The following SNX24 variants were observed in gnomAD, a reference collection of about 807,000 sequenced individuals.
The protein encoded by SNX24 is sorting nexin-24.
In SNX24, 22 loss-of-function variants were observed where a neutral mutation model predicts 28.7. The observed-to-expected ratio is 0.77, with a 90% CI of 0.55 to 1.10. SNX24 has a LOEUF of 1.10. Ranked by LOEUF, SNX24 falls within the 50% of genes least tolerant of loss-of-function variation. SNX24 has a pLI of 0.00. For synonymous variants in SNX24, 69 were observed against 71.5 expected, an observed-to-expected ratio of 0.96 and a Z score of 0.18; for missense variants, 221 against 201.1, an observed-to-expected ratio of 1.10 and a Z score of -0.60.
chr5:123,021,107 C>CT (rs1029152354), intron 5 of SNX24, among the ~76,000 whole-genome samples: 1 of 150,388 alleles, frequency 6.6e-6, no homozygotes, highest in Non-Finnish European at 1.5e-5. Context: ...ACACAGTTCC[C>CT]CCCCCGTCCC....
chr5:123,027,857 G>A (rs1209982941), intron 5 of SNX24, among the ~76,000 whole-genome samples: 5 of 152,122 alleles, frequency 3.3e-5, no homozygotes, highest in Non-Finnish European at 7.4e-5. Context: ...GTATGTTCAA[G>A]AAAAGAACTA....
At chr5:123,023,179 A>G (rs1762786883) in intron 5 of SNX24, 1 of 152,256 alleles carries the variant, frequency 6.6e-6, no homozygotes, top group African/African-American at 2.4e-5. Flanking sequence ...ATAACTTTCT[A>G]AAAATGTTAC....
At chr5:122,854,516 A>C (rs10477638) in intron 1 of SNX24, among the ~76,000 whole-genome samples, 1 of 15,476 alleles carries the variant, frequency 6.5e-5, no homozygotes, top group African/African-American at 7.1e-4. Context: ...TCAAAAAAAC[A>C]AAAAAAAAAA....
chr5:122,924,860 G>A (rs1247188777), intron 1 of SNX24, among the ~76,000 whole-genome samples: 2 of 152,126 alleles, frequency 1.3e-5, no homozygotes, highest in East Asian at 1.9e-4. Flanking sequence ...TCTAAGTCCA[G>A]ACTGGTGCTC....
At chr5:122,969,352 C>T (rs971586911) in intron 3 of SNX24, among the ~76,000 whole-genome samples, 4 of 152,088 alleles carry the variant, frequency 2.6e-5, no homozygotes, top group African/African-American at 9.7e-5. Context: ...GAGTTAAGGT[C>T]TTAAGAAAGT....
chr5:122,947,639 G>A (rs1759746514), intron 3 of SNX24, among the ~76,000 whole-genome samples: 1 of 152,078 alleles, frequency 6.6e-6, no homozygotes, highest in South Asian at 2.1e-4. Flanking sequence ...TTGAGACTGA[G>A]GAGCTATGAT....
chr5:122,914,651 C>T (rs1049823831), intron 1 of SNX24, among the ~76,000 whole-genome samples: 11 of 150,462 alleles, frequency 7.3e-5, no homozygotes, highest in Admixed American at 2.0e-4. Flanking sequence ...AGGAATTTAT[C>T]CATTTCTTCT....
At chr5:122,925,927 T>C (rs916146534) in intron 1 of SNX24, among the ~76,000 whole-genome samples, 5 of 152,166 alleles carry the variant, frequency 3.3e-5, no homozygotes, top group African/African-American at 9.7e-5. Context: ...ATGGAGCTTA[T>C]AATTTGTTAG....
intron 1 of SNX24, among the ~76,000 whole-genome samples, chr5:122,877,604 C>T (rs1231061616): frequency 1.3e-5 from 2 of 152,140 alleles, no homozygotes; most frequent in Non-Finnish European, 2.9e-5. Context: ...CTACTCAGCA[C>T]CTCTGAACCA....
At chr5:122,939,811 T>C (rs1443805047) in intron 2 of SNX24, among the ~76,000 whole-genome samples, 2 of 152,156 alleles carry the variant, frequency 1.3e-5, no homozygotes, top group Admixed American at 6.5e-5. Flanking sequence ...AGAATTTCTA[T>C]AGTATGATTA....
At chr5:122,886,632 C>G (rs550161326) in intron 1 of SNX24, among the ~76,000 whole-genome samples, 48 of 151,850 alleles carry the variant, frequency 3.2e-4, no homozygotes, top group Middle Eastern at 3.4e-3. Flanking sequence ...GGCCAAGAGA[C>G]CAGCCTGGCC....
intron 1 of SNX24, among the ~76,000 whole-genome samples, chr5:122,910,354 C>T (rs1053755426): frequency 6.6e-6 from 1 of 151,970 alleles, no homozygotes; most frequent in Admixed American, 6.6e-5. Context: ...AATTCTTTTC[C>T]TCTTCATTTC....
intron 1 of SNX24, 24 bp downstream of exon 1, chr5:122,845,717 A>G (rs1399548009): frequency 1.5e-6 from 2 of 1,340,822 alleles, no homozygotes; most frequent in Middle Eastern, 4.1e-4. Context: ...GCGGGCGGAC[A>G]GGGCCCCGCG....
intron 5 of SNX24, among the ~76,000 whole-genome samples, chr5:123,014,392 G>A (rs2150185376): frequency 7.9e-6 from 1 of 126,768 alleles, no homozygotes. Flanking sequence ...ATGTTGCCCA[G>A]GCTAGTCTTG....
intron 1 of SNX24, among the ~76,000 whole-genome samples, chr5:122,848,970 G>T (rs1217497404): frequency 2.0e-5 from 3 of 152,124 alleles, no homozygotes; most frequent in Non-Finnish European, 2.9e-5. Context: ...ATATTGATAT[G>T]GAGAGGTCTG....
chr5:122,899,383 A>G (rs1481351263), intron 1 of SNX24, among the ~76,000 whole-genome samples: 1 of 152,192 alleles, frequency 6.6e-6, no homozygotes, highest in Non-Finnish European at 1.5e-5. Flanking sequence ...CATACAGTCT[A>G]TCAGTAATGC....
intron 3 of SNX24, among the ~76,000 whole-genome samples, chr5:122,958,765 G>T (rs1472481023): frequency 6.6e-6 from 1 of 150,622 alleles, no homozygotes. Flanking sequence ...TTGCTATGTT[G>T]CCCAGGCTGG....
chr5:122,942,309 T>G (rs1385619125), intron 2 of SNX24, among the ~76,000 whole-genome samples: 1 of 152,158 alleles, frequency 6.6e-6, no homozygotes, highest in African/African-American at 2.4e-5. Flanking sequence ...TGTGTTTAAT[T>G]CCATGAAGTA....
intron 2 of SNX24, among the ~76,000 whole-genome samples, chr5:122,945,806 A>T (rs188994396): frequency 6.6e-6 from 1 of 152,312 alleles, no homozygotes; most frequent in Admixed American, 6.5e-5. Flanking sequence ...AAAGGATTTC[A>T]ATCTGAAATA....
Sources: gnomAD v4.1 joint callset for allele counts (sites outside exome capture counted in the v4.1 genomes callset) on GRCh38, gnomAD v4.1.1 for gene constraint, MANE v1.5 for transcripts, NCBI Gene and HGNC (gene_info 2026-07-23, HGNC 2026-07-21) for gene names.